ANKFN1: variants seen among roughly 807,000 people sequenced by gnomAD.
The protein encoded by ANKFN1 is ankyrin repeat and fibronectin type III domain containing 1, also known as ankyrin repeat and fibronectin type-III domain-containing protein 1.
In ANKFN1, 74 loss-of-function variants were observed where a neutral mutation model predicts 108.7. The observed-to-expected ratio is 0.68, with a 90% CI of 0.56 to 0.83. The LOEUF is 0.83. Ranked by LOEUF, ANKFN1 falls within the 40% of genes least tolerant of loss-of-function variation. ANKFN1 has a pLI of 0.00. For missense variants in ANKFN1, 1,505 were observed against 1,382.3 expected, an observed-to-expected ratio of 1.09 and a Z score of -1.41; for synonymous variants, 547 against 516.2, an observed-to-expected ratio of 1.06 and a Z score of -0.81.
chr17:56,343,146 G>A (rs2046004099), intron 4 of ANKFN1, among the ~76,000 whole-genome samples: 2 of 151,886 alleles, frequency 1.3e-5, no homozygotes, highest in South Asian at 4.1e-4. Flanking sequence ...TTTTCCATTT[G>A]TTTGGTAGCT....
chr17:56,368,937 T>G (rs2046738227), intron 6 of ANKFN1, among the ~76,000 whole-genome samples: 1 of 152,198 alleles, frequency 6.6e-6, no homozygotes, highest in Admixed American at 6.5e-5. Context: ...CCTACCCCTT[T>G]GCACTTGTGG....
chr17:56,466,426 T>C lies in ANKFN1; in HGVS notation c.1628T>C (p.Leu543Pro). 1.2e-6 allele frequency: 2 copies of C among 1,614,196 alleles called. No individual in the cohort carries two copies. Among genetic ancestry groups the C allele is most frequent in the Non-Finnish European group, 1.7e-6 (2 of 1,180,018 alleles). ...EPIKDRHGNILIVTIREVEML... is the reference protein window; with the variant it reads ...EPIKDRHGNIPIVTIREVEML... ...ATTAAAGATCGACATGGAAACATAC[T>C]CATAGTCACCATCAGGGAGGTGGAG... is the stretch of plus-strand genomic sequence containing the variant. Residue 543 changes from leucine (L) to proline (P), a missense_variant, in exon 15 of 21, where the codon CTC becomes CCC. By Grantham distance (98) the Leu-to-Pro change is moderately conservative. Transcript: ENST00000682825.
intron 8 of ANKFN1, among the ~76,000 whole-genome samples, chr17:56,388,581 G>A (rs762228612): frequency 6.6e-6 from 1 of 152,098 alleles, no homozygotes; most frequent in Admixed American, 6.6e-5. Context: ...TATACATTAT[G>A]AGTGTGCACA....
upstream of ANKFN1, among the ~76,000 whole-genome samples, chr17:56,152,123 A>G (rs1470957111): frequency 2.0e-5 from 3 of 152,226 alleles, no homozygotes; most frequent in African/African-American, 7.2e-5. Context: ...TCTGAGGAAA[A>G]ACTGTAAAAA....
chr17:56,499,201 A>G, intron 20 of ANKFN1, 103 bp downstream of exon 20: 1 of 1,100,590 alleles, frequency 9.1e-7, no homozygotes, highest in Middle Eastern at 2.3e-4. Context: ...CAGAAAGTGG[A>G]TGAAAACACT....
intron 4 of ANKFN1, among the ~76,000 whole-genome samples, chr17:56,132,818 GGCACTAATCCTAT>G (rs1286630359): frequency 1.3e-5 from 2 of 151,958 alleles, no homozygotes; most frequent in Non-Finnish European, 2.9e-5. Context: ...TTTTCATAAG[GGCACTAATCCTAT>G]GCATGAGTGG....
chr17:56,212,477 C>T (rs944094521), intron 1 of ANKFN1, among the ~76,000 whole-genome samples, 121 bp from the exon 2 acceptor site: 8 of 152,082 alleles, frequency 5.3e-5, no homozygotes, highest in African/African-American at 1.9e-4. Context: ...TTATGTTCAA[C>T]AGGGATATTG....
chr17:56,196,495 A>T (rs1314983339), intron 1 of ANKFN1, among the ~76,000 whole-genome samples: 3 of 152,114 alleles, frequency 2.0e-5, no homozygotes, highest in Admixed American at 1.3e-4. Flanking sequence ...GCACTTTGGG[A>T]CACCAAGGCA....
intron 4 of ANKFN1, among the ~76,000 whole-genome samples, chr17:56,327,572 AGGTC>A (rs2045556480): frequency 6.6e-6 from 1 of 152,190 alleles, no homozygotes; most frequent in South Asian, 2.1e-4. Context: ...ACAAGAGCCA[AGGTC>A]ATTCTCCCAG....
In ANKFN1 at chr17:56,363,765, G is replaced by T. The variant is rs537595193; in HGVS notation, c.602-8881G>T. ...TTCAGCCTTTAAAAAGGAAGGAAATGTCATTTGTGACAAAATCGATGGAAT... is the reference window on the plus strand; with the variant it reads ...TTCAGCCTTTAAAAAGGAAGGAAATTTCATTTGTGACAAAATCGATGGAAT... On this transcript the variant is annotated intron_variant, in intron 6 of 20. Coordinates refer to ENST00000682825, the MANE Select transcript of ANKFN1 (RefSeq NM_001370326.1). Among the ~76,000 whole-genome samples, 7 of 152,278 alleles carry T rather than the reference G, an allele frequency of 4.6e-5. No homozygotes were observed. In the East Asian group the frequency reaches 1.3e-3, roughly 29 times the overall value.
chr17:56,213,063 C>G (rs543883579), intron 2 of ANKFN1, among the ~76,000 whole-genome samples: 2 of 152,306 alleles, frequency 1.3e-5, no homozygotes, highest in South Asian at 4.1e-4. Context: ...GCTAATCCTT[C>G]ACCCCCTCTT....
intron 1 of ANKFN1, among the ~76,000 whole-genome samples, chr17:56,167,274 C>CATATATATATATACAT (rs1910219564): frequency 7.5e-6 from 1 of 133,874 alleles, no homozygotes; most frequent in African/African-American, 2.8e-5. Context: ...TATATATATA[C>CATATATATATATACAT]ATATATATAT....
In ANKFN1 at chr17:56,247,900, T is replaced by C. The variant is rs966101005; in HGVS notation, c.53+19943T>C. On this transcript the variant is annotated intron_variant, in intron 3 of 20. Coordinates refer to ENST00000682825, the MANE Select transcript of ANKFN1 (RefSeq NM_001370326.1). ...GGTCCTGTTTGTTGCCTATATCAAA[T>C]GTATAAAAAGCAATATTGTTTTAAC... 4.6e-5 allele frequency among the ~76,000 whole-genome samples: 7 copies of C among 152,210 alleles called. No homozygotes were observed. In the East Asian group the frequency reaches 1.3e-3, roughly 29 times the overall value.
chr17:56,383,907 G>A (rs141241196), intron 8 of ANKFN1, among the ~76,000 whole-genome samples: 6 of 152,138 alleles, frequency 3.9e-5, no homozygotes, highest in Non-Finnish European at 7.3e-5. Flanking sequence ...GTACAAGGAG[G>A]AACTGGTACC....
intron 3 of ANKFN1, among the ~76,000 whole-genome samples, chr17:56,259,733 C>G (rs1292441582): frequency 6.6e-6 from 1 of 152,122 alleles, no homozygotes; most frequent in Non-Finnish European, 1.5e-5. Flanking sequence ...TTCAATGACT[C>G]CGTAGTTAAT....
intron 8 of ANKFN1, among the ~76,000 whole-genome samples, chr17:56,413,723 T>C (rs1169181086): frequency 2.0e-5 from 3 of 150,166 alleles, no homozygotes; most frequent in Non-Finnish European, 4.5e-5. Context: ...GAAGAATCAC[T>C]TTTTTTTTTC....
At chr17:56,136,079 G>A (rs1354827628) in intron 4 of ANKFN1, among the ~76,000 whole-genome samples, 1 of 152,126 alleles carries the variant, frequency 6.6e-6, no homozygotes, top group Non-Finnish European at 1.5e-5. Context: ...ATTATTCCTG[G>A]AGGAAATGAT....
intron 1 of ANKFN1, among the ~76,000 whole-genome samples, chr17:56,204,502 A>G (rs1186262939): frequency 6.7e-6 from 1 of 148,472 alleles, no homozygotes; most frequent in Non-Finnish European, 1.5e-5. Flanking sequence ...TACCACGCCC[A>G]GCTAATTTTT....
intron 11 of ANKFN1, among the ~76,000 whole-genome samples, chr17:56,454,755 G>A (rs2049627468): frequency 6.6e-6 from 1 of 152,146 alleles, no homozygotes; most frequent in South Asian, 2.1e-4. Flanking sequence ...GAACCCAATA[G>A]GGAAATATTA....
Sources: gnomAD v4.1 joint callset for allele counts (sites outside exome capture counted in the v4.1 genomes callset) on GRCh38, gnomAD v4.1.1 for gene constraint, MANE v1.5 for transcripts, NCBI Gene and HGNC (gene_info 2026-07-23, HGNC 2026-07-21) for gene names.